Variants in NPAS3 observed in about 807,000 individuals in gnomAD.
NPAS3 encodes the protein neuronal PAS domain-containing protein 3.
NPAS3 carries 14 observed loss-of-function variants against 73.1 expected under a neutral mutation model. The observed-to-expected ratio is 0.19, with a 90% CI of 0.13 to 0.30. NPAS3 has a LOEUF of 0.30. Among genes scored for constraint, NPAS3 ranks in the 10% least tolerant of loss-of-function variants. NPAS3 has a pLI of 1.00. For missense variants in NPAS3, 1,096 were observed against 1,250.0 expected, an observed-to-expected ratio of 0.88 and a Z score of 1.86; for synonymous variants, 620 against 541.5, an observed-to-expected ratio of 1.14 and a Z score of -2.01.
At chr14:33,062,993 C>A (rs982744142) in intron 2 of NPAS3, among the ~76,000 whole-genome samples, 1 of 152,144 alleles carries the variant, frequency 6.6e-6, no homozygotes, top group African/African-American at 2.4e-5. Context: ...ACAATTAAGT[C>A]CATGCAGTAA....
intron 3 of NPAS3, among the ~76,000 whole-genome samples, chr14:33,255,937 G>A (rs748998400): frequency 5.3e-5 from 8 of 152,164 alleles, no homozygotes; most frequent in Non-Finnish European, 8.8e-5. Context: ...AAAGAGAGTT[G>A]CTCTTTAGGC....
chr14:33,784,752 T>TTA lies in NPAS3; in HGVS notation c.1153+6181_1153+6182insAT, dbSNP rs2063110952. Among the ~76,000 whole-genome samples, 17 of 112,660 alleles carry TTA rather than the reference T, an allele frequency of 1.5e-4. 1 individual carries two copies. The highest frequency in any genetic ancestry group is 1.0e-3 in the East Asian group (4 of 4,006). 73.9% of individuals were successfully genotyped at this position (112,660 alleles called of 152,430 possible). ...TTATTTATTTATTTATTTATTTTTT[T>TTA]TTTTTTTTTTTTTTTGAGACAGAGT... On this transcript the variant is annotated intron_variant, in intron 9 of 11. Coordinates refer to ENST00000356141, the Ensembl canonical transcript of NPAS3.
At position 33,372,245 on chromosome 14, in the gene NPAS3, G is replaced by A. The variant is rs1207375220; in HGVS notation, c.468+4977G>A. On this transcript the variant is annotated intron_variant, in intron 4 of 11. Transcript: ENST00000356141. Reference sequence around the variant, plus strand: ...GACGTTTCACTGAAGTGCATACTACGTGTCCCTTTGTGTGGAGGATTTGAG... The same window carrying A: ...GACGTTTCACTGAAGTGCATACTACATGTCCCTTTGTGTGGAGGATTTGAG... Among the ~76,000 whole-genome samples the A allele has an allele frequency of 1.3e-5, 2 of 152,076 alleles. 1 individual carries two copies. The highest frequency in any genetic ancestry group is 2.9e-5 in the Non-Finnish European group (2 of 68,020).
intron 2 of NPAS3, among the ~76,000 whole-genome samples, chr14:33,185,861 T>C (rs966165737): frequency 6.6e-5 from 10 of 152,168 alleles, no homozygotes; most frequent in East Asian, 1.9e-4. Flanking sequence ...AGGCTTTTTT[T>C]CCCCTACCAG....
rs573087731 is a variant in NPAS3, at chr14:33,166,163, G to A, written c.141-49019G>A. Among the ~76,000 whole-genome samples, 8 of 152,106 alleles carry A rather than the reference G, an allele frequency of 5.3e-5. No homozygotes were observed. In the East Asian group the frequency reaches 7.7e-4, roughly 15 times the overall value. ...CACAGAAGCCTCCCCCTCACCCCTCGGTTCAATTTGCTGCTGTCATCTTCT... is the reference window on the plus strand; with the variant it reads ...CACAGAAGCCTCCCCCTCACCCCTCAGTTCAATTTGCTGCTGTCATCTTCT... On this transcript the variant is annotated intron_variant, in intron 2 of 11. Transcript: ENST00000356141.
chr14:33,334,193 A>G (rs942806884), intron 3 of NPAS3, among the ~76,000 whole-genome samples: 5 of 152,140 alleles, frequency 3.3e-5, no homozygotes, highest in East Asian at 1.9e-4. Context: ...GTGTTTTATT[A>G]TGACCTCTTT....
At chr14:33,361,101 T>G (rs1056550431) in intron 3 of NPAS3, among the ~76,000 whole-genome samples, 1 of 152,176 alleles carries the variant, frequency 6.6e-6, no homozygotes, top group African/African-American at 2.4e-5. Context: ...AGAAAGGCCA[T>G]TTCCTCCTTT....
chr14:33,421,580 T>C (rs546730755), intron 4 of NPAS3, among the ~76,000 whole-genome samples: 10 of 151,860 alleles, frequency 6.6e-5, no homozygotes, highest in Admixed American at 4.6e-4. Context: ...GAGAGTGATA[T>C]CATGTGAAAT....
chr14:33,632,983 A>G (rs1207059382), intron 5 of NPAS3, among the ~76,000 whole-genome samples: 1 of 152,206 alleles, frequency 6.6e-6, no homozygotes, highest in Non-Finnish European at 1.5e-5. Context: ...TTCTGCATCC[A>G]TGGATTCAAT....
intron 4 of NPAS3, among the ~76,000 whole-genome samples, chr14:33,484,365 A>G (rs2051477724): frequency 6.6e-6 from 1 of 152,182 alleles, no homozygotes; most frequent in Non-Finnish European, 1.5e-5. Flanking sequence ...AAGTTGATCT[A>G]TATTTGTCTT....
intron 1 of NPAS3, among the ~76,000 whole-genome samples, chr14:32,944,529 G>T (rs1049129961): frequency 6.6e-6 from 1 of 152,164 alleles, no homozygotes; most frequent in Non-Finnish European, 1.5e-5. Flanking sequence ...TGCATTCGGT[G>T]ATGTTAGTAT....
intron 4 of NPAS3, among the ~76,000 whole-genome samples, chr14:33,370,777 A>C (rs2046053279): frequency 6.6e-6 from 1 of 152,204 alleles, no homozygotes; most frequent in Admixed American, 6.5e-5. Flanking sequence ...CATGTGGCCC[A>C]TAATTAGAGG....
At chr14:33,567,781 A>G (rs1386772343) in intron 5 of NPAS3, among the ~76,000 whole-genome samples, 2 of 152,202 alleles carry the variant, frequency 1.3e-5, no homozygotes, top group Admixed American at 6.5e-5. Context: ...TCAGTGCCCA[A>G]ATGGGACTGA....
At chr14:33,707,494 TGAGGAATACCTGATTA>T (rs2060689294) in intron 6 of NPAS3, among the ~76,000 whole-genome samples, 1 of 152,162 alleles carries the variant, frequency 6.6e-6, no homozygotes. Flanking sequence ...TGAAGGCAGC[TGAGGAATACCTGATTA>T]GAGGAAGAAT....
intron 4 of NPAS3, among the ~76,000 whole-genome samples, chr14:33,478,418 A>G (rs1232473569): frequency 6.6e-6 from 1 of 152,216 alleles, no homozygotes; most frequent in Non-Finnish European, 1.5e-5. Flanking sequence ...CAGGATTTAC[A>G]ACCAACCATT....
chr14:33,326,967 A>G (rs370290353), intron 3 of NPAS3, among the ~76,000 whole-genome samples: 1 of 152,206 alleles, frequency 6.6e-6, no homozygotes, highest in Non-Finnish European at 1.5e-5. Flanking sequence ...AAATGCCTGC[A>G]TTTCTGTAAT....
chr14:33,093,081 A>T (rs980073538), intron 2 of NPAS3, among the ~76,000 whole-genome samples: 2 of 152,204 alleles, frequency 1.3e-5, no homozygotes, highest in Non-Finnish European at 1.5e-5. Flanking sequence ...TGTCTAAAAC[A>T]CCAAAAGCAA....
At chr14:33,133,078 A>G (rs893214712) in intron 2 of NPAS3, among the ~76,000 whole-genome samples, 1 of 152,218 alleles carries the variant, frequency 6.6e-6, no homozygotes, top group African/African-American at 2.4e-5. Context: ...CATATGACTT[A>G]TGAAAGAAGA....
At chr14:33,534,473 G>A (rs1370942942) in intron 4 of NPAS3, among the ~76,000 whole-genome samples, 1 of 152,176 alleles carries the variant, frequency 6.6e-6, no homozygotes, top group African/African-American at 2.4e-5. Flanking sequence ...AGAAACACGT[G>A]AGGAAGTCAG....
Sources: gnomAD v4.1 joint callset for allele counts (sites outside exome capture counted in the v4.1 genomes callset) on GRCh38, gnomAD v4.1.1 for gene constraint, MANE v1.5 for transcripts, NCBI Gene and HGNC (gene_info 2026-07-23, HGNC 2026-07-21) for gene names.